SDK1: variants seen among roughly 807,000 people sequenced by gnomAD.
SDK1 encodes sidekick cell adhesion molecule 1, also known as protein sidekick-1.
Under a neutral mutation model 245.5 loss-of-function variants are expected in SDK1, and 157 were observed. The observed-to-expected ratio is 0.64, with a 90% CI of 0.56 to 0.73. SDK1 has a LOEUF of 0.73. Among genes scored for constraint, SDK1 ranks in the 30% least tolerant of loss-of-function variants. The pLI is 0.00. For synonymous variants in SDK1, 1,647 were observed against 1,278.5 expected, an observed-to-expected ratio of 1.29 and a Z score of -6.15; for missense variants, 3,583 against 3,002.3, an observed-to-expected ratio of 1.19 and a Z score of -4.52.
At chr7:3,586,370 TGAG>T (rs1780689063) in intron 1 of SDK1, among the ~76,000 whole-genome samples, 1 of 151,476 alleles carries the variant, frequency 6.6e-6, no homozygotes, top group Admixed American at 6.6e-5. Flanking sequence ...CACAGCAAAT[TGAG>T]GAGGGCTCGA....
In SDK1 at chr7:4,074,916, ATT is replaced by A. The variant is rs55899344; in HGVS notation, c.3011-2068_3011-2067del. On this transcript the variant is annotated intron_variant, in intron 20 of 44. Coordinates refer to ENST00000404826, the MANE Select transcript of SDK1 (RefSeq NM_152744.4). ...TATATATATATATATATATATATAT[ATT>A]TTTTTTTTTTTTTAATAAAGTTAGG... is the stretch of plus-strand genomic sequence containing the variant. Among the ~76,000 whole-genome samples, 242 of 64,508 alleles carry A rather than the reference ATT, an allele frequency of 3.8e-3. 1 individual carries two copies. Among genetic ancestry groups the A allele is most frequent in the African/African-American group, 0.014 (121 of 8,444 alleles). The allele number at this position is 64,508 out of a possible 152,430, so 42.3% of individuals were successfully genotyped here.
chr7:3,835,798 C>G (rs1780017375), intron 5 of SDK1, among the ~76,000 whole-genome samples: 1 of 152,150 alleles, frequency 6.6e-6, no homozygotes, highest in Non-Finnish European at 1.5e-5. Context: ...AAAAGACAAA[C>G]AAGCAATTTC....
intron 1 of SDK1, among the ~76,000 whole-genome samples, chr7:3,565,009 G>T (rs1324483481): frequency 2.0e-5 from 3 of 152,016 alleles, no homozygotes; most frequent in South Asian, 4.2e-4. Flanking sequence ...TTTAAAAGTT[G>T]TAAGCGTTGG....
intron 1 of SDK1, among the ~76,000 whole-genome samples, chr7:3,506,362 C>T (rs1782392640): frequency 6.6e-6 from 1 of 152,078 alleles, no homozygotes; most frequent in Non-Finnish European, 1.5e-5. Flanking sequence ...TTACCTATTC[C>T]CTGTGTAAGT....
intron 17 of SDK1, among the ~76,000 whole-genome samples, chr7:4,019,984 C>G (rs564019974): frequency 6.6e-6 from 1 of 152,188 alleles, no homozygotes; most frequent in East Asian, 1.9e-4. Flanking sequence ...ATGGTAAATG[C>G]CTCTGGGGAA....
chr7:3,387,328 A>G (rs981038541), intron 1 of SDK1, among the ~76,000 whole-genome samples: 1 of 151,948 alleles, frequency 6.6e-6, no homozygotes, highest in African/African-American at 2.4e-5. Context: ...TCCTTTAGAG[A>G]TTCCTCATCT....
At chr7:4,230,693 G>A (rs1340200802) in intron 40 of SDK1, among the ~76,000 whole-genome samples, 4 of 152,118 alleles carry the variant, frequency 2.6e-5, no homozygotes. Context: ...GGAATGGATG[G>A]ATGGTTACAT....
chr7:3,676,085 C>T (rs1205063242), intron 4 of SDK1, among the ~76,000 whole-genome samples: 3 of 152,162 alleles, frequency 2.0e-5, no homozygotes, highest in Non-Finnish European at 4.4e-5. Flanking sequence ...TCCACCTCAG[C>T]CTCCCAAGTA....
intron 4 of SDK1, among the ~76,000 whole-genome samples, chr7:3,686,938 G>A (rs1784300430): frequency 6.6e-6 from 1 of 152,084 alleles, no homozygotes; most frequent in Non-Finnish European, 1.5e-5. Flanking sequence ...GCCCTGGAGT[G>A]TGAGTGCCCA....
At chr7:3,659,375 G>C (rs1013777193) in intron 4 of SDK1, among the ~76,000 whole-genome samples, 1 of 152,102 alleles carries the variant, frequency 6.6e-6, no homozygotes, top group Non-Finnish European at 1.5e-5. Context: ...AAGAAAGTCA[G>C]GTGATGAAAG....
At chr7:3,528,817 G>A (rs984959312) in intron 1 of SDK1, among the ~76,000 whole-genome samples, 1 of 151,982 alleles carries the variant, frequency 6.6e-6, no homozygotes, top group Non-Finnish European at 1.5e-5. Context: ...AAAAGTGGAA[G>A]ACTCAGAGAG....
At chr7:3,500,719 C>G (rs906093505) in intron 1 of SDK1, among the ~76,000 whole-genome samples, 23 of 152,210 alleles carry the variant, frequency 1.5e-4, no homozygotes, top group African/African-American at 5.3e-4. Context: ...AGAGTCATTT[C>G]ATTAATGACT....
In SDK1 at chr7:4,029,527, C is replaced by CTCATTCAT. The variant is rs58325112; in HGVS notation, c.2602+12195_2602+12202dup. 7.5e-3 allele frequency among the ~76,000 whole-genome samples: 1,135 copies of CTCATTCAT among 152,074 alleles called. 15 individuals carry two copies. Among genetic ancestry groups the CTCATTCAT allele is most frequent in the African/African-American group, 0.026 (1,064 of 41,430 alleles). On this transcript the variant is annotated intron_variant, in intron 17 of 44. Coordinates refer to ENST00000404826, the MANE Select transcript of SDK1 (RefSeq NM_152744.4). ...TGCCCTGCCGATTTTCTTTCATTCA[C>CTCATTCAT]TCATTCATTCATTCATTCATTCATT... is the stretch of plus-strand genomic sequence containing the variant.
In SDK1 at chr7:4,213,050, G is replaced by A. The variant is rs376045023; in HGVS notation, c.5539+2888G>A. ...AATCCCAGCACTTTGGGAGGCCGAG[G>A]TGGGCGGATCACAAGGTCAAGAGAT... On this transcript the variant is annotated intron_variant, in intron 38 of 44. Transcript: ENST00000404826. Among the ~76,000 whole-genome samples the A allele has an allele frequency of 1.1e-3, 172 of 152,324 alleles. 1 individual carries two copies. Among genetic ancestry groups the A allele is most frequent in the African/African-American group, 3.8e-3 (159 of 41,582 alleles).
At chr7:4,016,092 C>G (rs1012387576) in intron 16 of SDK1, among the ~76,000 whole-genome samples, 6 of 152,248 alleles carry the variant, frequency 3.9e-5, no homozygotes, top group African/African-American at 1.4e-4. Context: ...GCGTGTCTGT[C>G]TCAGCTCCTT....
At chr7:3,312,251 C>T (rs1391987230) in intron 1 of SDK1, among the ~76,000 whole-genome samples, 2 of 152,082 alleles carry the variant, frequency 1.3e-5, no homozygotes, top group African/African-American at 2.4e-5. Context: ...GAATAGAGCC[C>T]TCAGGTCTGA....
chr7:4,009,012 C>A (rs925983986), intron 14 of SDK1, among the ~76,000 whole-genome samples: 1 of 152,234 alleles, frequency 6.6e-6, no homozygotes, highest in Non-Finnish European at 1.5e-5. Flanking sequence ...ATATTCAGAA[C>A]AACCGCGAAA....
intron 4 of SDK1, among the ~76,000 whole-genome samples, chr7:3,752,654 A>T (rs1223892158): frequency 1.3e-5 from 2 of 152,202 alleles, no homozygotes; most frequent in Non-Finnish European, 2.9e-5. Context: ...TGGATAGTAT[A>T]ATCTTTTTTC....
Position 4,267,493 on chromosome 7 carries a change from C to T in SDK1, c.*2109C>T, listed in dbSNP as rs1788539943. ...CAGTGGACAGTGCCACCTCCTTCCCCTCGGCCCCGGAGAGGGCGAAGTGGG... is the reference window on the plus strand; with the variant it reads ...CAGTGGACAGTGCCACCTCCTTCCCTTCGGCCCCGGAGAGGGCGAAGTGGG... On this transcript the variant is annotated 3_prime_UTR_variant, in exon 45 of 45. Coordinates refer to ENST00000404826, the MANE Select transcript of SDK1 (RefSeq NM_152744.4). The T allele has an allele frequency of 2.0e-6, 2 of 985,334 alleles. No individual in the cohort carries two copies. The highest frequency in any genetic ancestry group is 3.5e-5 in the African/African-American group (2 of 57,244). 61.0% of individuals were successfully genotyped at this position (985,334 alleles called of 1,614,324 possible). A position where few individuals can be genotyped will look rare whatever the true frequency, so the allele number is the denominator to read the frequency against.
Sources: allele counts gnomAD v4.1 joint callset (sites outside exome capture counted in the v4.1 genomes callset), GRCh38; gene constraint gnomAD v4.1.1; transcripts MANE v1.5; gene names NCBI Gene and HGNC (gene_info 2026-07-23, HGNC 2026-07-21).